The following CD24 variants were observed in gnomAD, a reference collection of about 807,000 sequenced individuals.
CD24 encodes CD24 molecule.
In CD24, 2 loss-of-function variants were observed where a neutral mutation model predicts 3.6. The observed-to-expected ratio is 0.56, with a 90% CI of 0.23 to 1.77. CD24 has a LOEUF of 1.77. Ranked by LOEUF, CD24 falls within the 40% of genes most tolerant of loss-of-function variation. CD24 has a pLI of 0.18. For synonymous variants in CD24, 33 were observed against 44.9 expected (o/e 0.74, Z 1.06); for missense variants, 62 against 93.6 (o/e 0.66, Z 1.39).
chr6:106,975,257 C>G (rs1773081895), upstream of CD24: 1 of 151,916 alleles, frequency 6.6e-6, no homozygotes. Context: ...AATTCCAGTG[C>G]GACCGCGTGG....
chr6:106,974,980 G>A (rs1192276164), upstream of CD24, among the ~76,000 whole-genome samples: 2 of 149,706 alleles, frequency 1.3e-5, no homozygotes, highest in African/African-American at 2.4e-5. Flanking sequence ...GCTGGTACCC[G>A]GCTGGTATCC....
Position 106,970,009 on chromosome 6 carries a change from G to C in CD24, c.*1652C>G, listed in dbSNP as rs1344454965. On this transcript the variant is annotated 3_prime_UTR_variant, in exon 2 of 2. Transcript: ENST00000606017. ...TCACACACACAGTAGCTTCAAAACT[G>C]TTCGATCTGTTTGTTCCCATGTAGT... 3 of 152,704 alleles carry C rather than the reference G, an allele frequency of 2.0e-5. No individual in the cohort carries two copies. The highest frequency in any genetic ancestry group is 7.2e-5 in the African/African-American group (3 of 41,564). 9.5% of individuals were successfully genotyped at this position (152,704 alleles called of 1,614,324 possible).
chr6:106,974,427 C>A (rs1345557017), intron 1 of CD24, among the ~76,000 whole-genome samples, 151 bp downstream of exon 1: 1 of 152,158 alleles, frequency 6.6e-6, no homozygotes, highest in Non-Finnish European at 1.5e-5. Flanking sequence ...TCCACATGGC[C>A]CTCTCCCCTG....
rs1209839092 is a variant in CD24, at chr6:106,969,888, A to G, written c.*1773T>C. The stretch of plus-strand genomic sequence containing the variant: ...TTTGTGTTCAATGCAAATCAATTCC[A>G]TAAGAAGTTACTATGAATCAAAGCG... On this transcript the variant is annotated 3_prime_UTR_variant, in exon 2 of 2. Coordinates refer to ENST00000606017, the MANE Select transcript of CD24 (RefSeq NM_001359084.1). 1 of 152,582 alleles carries G rather than the reference A, an allele frequency of 6.6e-6. No homozygotes were observed. Among genetic ancestry groups the G allele is most frequent in the African/African-American group, 2.4e-5 (1 of 41,440 alleles). 9.5% of individuals were successfully genotyped at this position (152,582 alleles called of 1,614,324 possible).
chr6:106,973,823 C>G (rs1274245499), intron 1 of CD24: 1 of 398,434 alleles, frequency 2.5e-6, no homozygotes, highest in African/African-American at 2.1e-5. Context: ...CTAGGGAGAC[C>G]GCGCTGGTAG....
In CD24 at chr6:106,970,320, A is replaced by G. The variant is rs1390447708; in HGVS notation, c.*1341T>C. The G allele has an allele frequency of 3.3e-5, 5 of 152,648 alleles. No individual in the cohort carries two copies. The highest frequency in any genetic ancestry group is 1.2e-4 in the African/African-American group (5 of 41,462). The allele number at this position is 152,648 out of a possible 1,614,324, so 9.5% of individuals were successfully genotyped here. ...ATCCATAGTTGTTTTTTAAAGAAAAAAAATGTATATACAGAAAGAGTATAA... is the reference window on the plus strand; with the variant it reads ...ATCCATAGTTGTTTTTTAAAGAAAAGAAATGTATATACAGAAAGAGTATAA... On this transcript the variant is annotated 3_prime_UTR_variant, in exon 2 of 2. Transcript: ENST00000606017.
chr6:106,973,634 C>A, intron 1 of CD24: 1 of 398,558 alleles, frequency 2.5e-6, no homozygotes. Flanking sequence ...CCGTCACTCC[C>A]ATCCTCCAAA....
At chr6:106,973,322 T>A (rs1028681320) in intron 1 of CD24, 2 of 243,772 alleles carry the variant, frequency 8.2e-6, no homozygotes, top group Admixed American at 5.6e-5. Context: ...CTTACAATGT[T>A]GGAGGAAAAA....
At chr6:106,972,425 A>G (rs1405879623) in intron 1 of CD24, among the ~76,000 whole-genome samples, 5 of 152,222 alleles carry the variant, frequency 3.3e-5, no homozygotes, top group South Asian at 2.1e-4. Context: ...AATGGCCACA[A>G]TATTTGTGTT....
upstream of CD24, among the ~76,000 whole-genome samples, chr6:106,976,552 G>T (rs1773110380): frequency 6.6e-6 from 1 of 152,120 alleles, no homozygotes; most frequent in South Asian, 2.1e-4. Flanking sequence ...ACATTATATA[G>T]AAATACTTTG....
rs1772960996 is a variant in CD24, at chr6:106,971,084, G to T, written c.*577C>A. 1 of 152,614 alleles carries T rather than the reference G, an allele frequency of 6.6e-6. No homozygotes were observed. The highest frequency in any genetic ancestry group is 6.5e-5 in the Admixed American group (1 of 15,280). 9.5% of individuals were successfully genotyped at this position (152,614 alleles called of 1,614,324 possible). On this transcript the variant is annotated 3_prime_UTR_variant, in exon 2 of 2. Transcript: ENST00000606017. Reference sequence around the variant, plus strand: ...ATCCAAAGCCTCAGGAGGAAAGTGAGTTCAGTTCCCAAGAGAACAGCAATA... The same window carrying T: ...ATCCAAAGCCTCAGGAGGAAAGTGATTTCAGTTCCCAAGAGAACAGCAATA...
chr6:106,974,526 T>G, intron 1 of CD24, 52 bp downstream of exon 1: 1 of 1,140,672 alleles, frequency 8.8e-7, no homozygotes, highest in Non-Finnish European at 1.2e-6. Context: ...CCATCTCCCC[T>G]GCCCCCACCC....
intron 1 of CD24, among the ~76,000 whole-genome samples, chr6:106,972,139 C>T (rs1458306768): frequency 6.6e-6 from 1 of 152,120 alleles, no homozygotes; most frequent in Non-Finnish European, 1.5e-5. Flanking sequence ...TTAACTAATT[C>T]AGTTTCCAAG....
chr6:106,973,569 G>C (rs1367124356), intron 1 of CD24: 2 of 398,028 alleles, frequency 5.0e-6, no homozygotes, highest in Non-Finnish European at 8.9e-6. Context: ...CCCAACTTTG[G>C]GGGAGAAGCC....
chr6:106,972,313 C>T (rs1239071445), intron 1 of CD24, among the ~76,000 whole-genome samples: 4 of 152,170 alleles, frequency 2.6e-5, no homozygotes, highest in Non-Finnish European at 5.9e-5. Context: ...GTAACTTTCA[C>T]ATACTCAATT....
upstream of CD24, among the ~76,000 whole-genome samples, chr6:106,976,607 G>T (rs1200457191): frequency 1.3e-5 from 2 of 152,186 alleles, no homozygotes; most frequent in Non-Finnish European, 2.9e-5. Flanking sequence ...ACTTTAGGAG[G>T]CTGAGGAGGG....
At chr6:106,976,636 G>A (rs965002412), upstream of CD24, among the ~76,000 whole-genome samples, 1 of 152,252 alleles carries the variant, frequency 6.6e-6, no homozygotes, top group Admixed American at 6.5e-5. Flanking sequence ...CTGAGGTCAG[G>A]AGTTCCAGAC....
At position 106,971,728 on chromosome 6, in the gene CD24, C is replaced by T; in HGVS notation, c.176G>A (p.Gly59Asp). 6.5e-7 allele frequency: 1 copy of T among 1,548,438 alleles called. No homozygotes were observed. The highest frequency in any genetic ancestry group is 8.7e-7 in the Non-Finnish European group (1 of 1,144,234). ...NPTNATTKAAGGALQSTASLF... is the reference protein window; with the variant it reads ...NPTNATTKAADGALQSTASLF... Reference sequence around the variant, plus strand: ...ACTGGCTGTTGACTGCAGGGCACCACCAGCCGCCTTGGTGGTGGCATTAGT... The same window carrying T: ...ACTGGCTGTTGACTGCAGGGCACCATCAGCCGCCTTGGTGGTGGCATTAGT... Residue 59 changes from glycine to aspartate, a missense_variant, in exon 2 of 2, where the codon GGT becomes GAT. Transcript: ENST00000606017.
chr6:106,974,817 T>TCCGCCGCCGC (rs1277177985), upstream of CD24: 4 of 504,472 alleles, frequency 7.9e-6, no homozygotes, highest in Non-Finnish European at 1.3e-5. Context: ...CCGGCTCCCC[T>TCCGCCGCCGC]CCGCCGCCGC....
Sources: gnomAD v4.1 joint callset for allele counts (sites outside exome capture counted in the v4.1 genomes callset) on GRCh38, gnomAD v4.1.1 for gene constraint, MANE v1.5 for transcripts, NCBI Gene and HGNC (gene_info 2026-07-23, HGNC 2026-07-21) for gene names.